Variants in PIGL observed in about 807,000 individuals in gnomAD.
PIGL encodes the protein phosphatidylinositol glycan anchor biosynthesis class L.
A neutral mutation model predicts 31.1 loss-of-function variants in PIGL; 22 were observed. The ratio of observed to expected loss-of-function variants is 0.71; its 90% confidence interval spans 0.51 to 1.01. The LOEUF (loss-of-function observed/expected upper bound fraction) is 1.01. Ranked by LOEUF, PIGL falls within the 50% of genes least tolerant of loss-of-function variation. PIGL has a pLI of 0.00. For missense variants in PIGL, 302 were observed against 315.9 expected, an observed-to-expected ratio of 0.96 and a Z score of 0.33; for synonymous variants, 131 against 117.4, an observed-to-expected ratio of 1.12 and a Z score of -0.75.
intron 2 of PIGL, among the ~76,000 whole-genome samples, chr17:16,239,421 T>G (rs1259358060): frequency 6.6e-6 from 1 of 151,476 alleles, no homozygotes; most frequent in Non-Finnish European, 1.5e-5. Flanking sequence ...AGGCGGAGGT[T>G]GCAGTGAGCT....
At chr17:16,222,197 T>C (rs949270087) in intron 1 of PIGL, among the ~76,000 whole-genome samples, 2 of 152,242 alleles carry the variant, frequency 1.3e-5, no homozygotes, top group African/African-American at 4.8e-5. Flanking sequence ...ATGGAGAAAG[T>C]ACTATGGACA....
At chr17:16,318,153 A>G (rs1365314916) in intron 6 of PIGL, among the ~76,000 whole-genome samples, 1 of 152,208 alleles carries the variant, frequency 6.6e-6, no homozygotes, top group African/African-American at 2.4e-5. Flanking sequence ...ACACATGCTC[A>G]TTGCAGAAAA....
rs1419460000 is a variant in PIGL at position 16,302,345 on chromosome 17, G to T, written c.426+2367G>T. On this transcript the variant is annotated intron_variant, in intron 3 of 6. Coordinates refer to ENST00000225609, the MANE Select transcript of PIGL (RefSeq NM_004278.4). ...GAATAATGCCTAGCTGTGCTGACTG[G>T]GGCTTGCCTTGGTTCTCTTACTCCT... Among the ~76,000 whole-genome samples, 2 of 152,054 alleles carry T rather than the reference G, an allele frequency of 1.3e-5. 1 individual carries two copies. Among genetic ancestry groups the T allele is most frequent in the South Asian group, 4.1e-4 (2 of 4,828 alleles).
rs35285920 is a variant in PIGL at position 16,235,752 on chromosome 17, C to CTT, written c.335+1700_335+1701dup. 4.9e-3 allele frequency among the ~76,000 whole-genome samples: 549 copies of CTT among 111,484 alleles called. 16 individuals are homozygous for CTT. The highest frequency in any genetic ancestry group is 7.5e-3 in the Non-Finnish European group (418 of 55,866). 73.1% of individuals were successfully genotyped at this position (111,484 alleles called of 152,430 possible). A position where few individuals can be genotyped will look rare whatever the true frequency, so the allele number is the denominator to read the frequency against. On this transcript the variant is annotated intron_variant, in intron 2 of 6. Coordinates refer to ENST00000225609, the MANE Select transcript of PIGL (RefSeq NM_004278.4). ...ATAGCCATGAACCACTGTGTCCGGT[C>CTT]TTTTTTTTTTTTTTTTTTTGCACAC... is the stretch of plus-strand genomic sequence containing the variant.
chr17:16,251,035 C>T (rs976279888), intron 2 of PIGL, among the ~76,000 whole-genome samples: 5 of 152,102 alleles, frequency 3.3e-5, no homozygotes, highest in East Asian at 3.9e-4. Context: ...TGTGGTCACA[C>T]GTTTAATAAA....
chr17:16,228,514 G>A (rs1021846296), intron 1 of PIGL, among the ~76,000 whole-genome samples: 3 of 151,602 alleles, frequency 2.0e-5, no homozygotes, highest in Admixed American at 1.3e-4. Context: ...TCAGCCTCCC[G>A]AGTAGCTGGG....
intron 2 of PIGL, among the ~76,000 whole-genome samples, chr17:16,243,896 C>T (rs185492973): frequency 4.6e-5 from 7 of 152,336 alleles, no homozygotes; most frequent in Non-Finnish European, 7.3e-5. Flanking sequence ...TTTACTGTTA[C>T]TCAAATCTGT....
In PIGL at chr17:16,277,402, T is replaced by A. The variant is rs562062146; in HGVS notation, c.336-22486T>A. 1.1e-4 allele frequency among the ~76,000 whole-genome samples: 16 copies of A among 152,364 alleles called. No homozygotes were observed. The South Asian group carries it at 2.7e-3, about 26-fold the overall frequency. On this transcript the variant is annotated intron_variant, in intron 2 of 6. Transcript: ENST00000225609. ...GAGAGAAACAAATATGCTTCAAATT[T>A]TGTTCACAGGAGTATACTTTACTCA...
intron 2 of PIGL, among the ~76,000 whole-genome samples, chr17:16,248,189 A>G (rs2092756877): frequency 6.6e-6 from 1 of 152,096 alleles, no homozygotes; most frequent in Admixed American, 6.6e-5. Context: ...CCCAGCCTCA[A>G]GCTTTCTCAT....
At chr17:16,275,301 C>CT (rs2142779645) in intron 2 of PIGL, among the ~76,000 whole-genome samples, 1 of 152,278 alleles carries the variant, frequency 6.6e-6, no homozygotes, top group East Asian at 1.9e-4. Context: ...TTTTAGCATG[C>CT]TGATGCATTA....
chr17:16,274,273 AT>A (rs1474023386), intron 2 of PIGL, among the ~76,000 whole-genome samples: 1 of 152,194 alleles, frequency 6.6e-6, no homozygotes, highest in African/African-American at 2.4e-5. Context: ...TGTAAAGGAA[AT>A]GGGTCACAGG....
intron 5 of PIGL, chr17:16,316,927 G>A: frequency 1.5e-6 from 2 of 1,343,874 alleles, no homozygotes; most frequent in Non-Finnish European, 1.9e-6. Context: ...GATGAGTGGG[G>A]AGGCCAGGTT....
intron 2 of PIGL, among the ~76,000 whole-genome samples, chr17:16,259,277 G>T (rs993504415): frequency 1.4e-5 from 2 of 144,626 alleles, no homozygotes; most frequent in Non-Finnish European, 3.0e-5. Flanking sequence ...CCTGGACTTT[G>T]CAGGAAAAAA....
chr17:16,221,432 G>A (rs1023558470), intron 1 of PIGL, among the ~76,000 whole-genome samples: 1 of 151,040 alleles, frequency 6.6e-6, no homozygotes, highest in Non-Finnish European at 1.5e-5. Context: ...GACTATAGGC[G>A]TGTGCCAGCA....
chr17:16,315,216 G>A (rs1166946572), intron 4 of PIGL, among the ~76,000 whole-genome samples: 1 of 152,198 alleles, frequency 6.6e-6, no homozygotes, highest in Admixed American at 6.5e-5. Context: ...CAGCACGAAG[G>A]AGGGCCACTG....
intron 2 of PIGL, among the ~76,000 whole-genome samples, chr17:16,245,959 A>G (rs2142714157): frequency 6.6e-6 from 1 of 150,424 alleles, no homozygotes; most frequent in East Asian, 2.0e-4. Context: ...AGCTGGGACT[A>G]CAGGCACCCG....
chr17:16,281,114 G>A (rs1401185230), intron 2 of PIGL, among the ~76,000 whole-genome samples: 1 of 152,154 alleles, frequency 6.6e-6, no homozygotes, highest in Non-Finnish European at 1.5e-5. Flanking sequence ...TTCATTTGAA[G>A]TTTTCAAGGA....
At chr17:16,323,742 A>T (rs2093115845) in intron 6 of PIGL, among the ~76,000 whole-genome samples, 2 of 147,860 alleles carry the variant, frequency 1.4e-5, no homozygotes, top group South Asian at 4.2e-4. Flanking sequence ...CCTCCTGCGT[A>T]GCTGGGATTA....
intron 1 of PIGL, among the ~76,000 whole-genome samples, chr17:16,220,474 ATTG>A (rs2092622111): frequency 1.6e-5 from 2 of 127,272 alleles, no homozygotes; most frequent in Non-Finnish European, 3.3e-5. Context: ...GTTTTTTTAA[ATTG>A]TTATTTTTTT....
Sources: gnomAD v4.1 joint callset for allele counts (sites outside exome capture counted in the v4.1 genomes callset) on GRCh38, gnomAD v4.1.1 for gene constraint, MANE v1.5 for transcripts, NCBI Gene and HGNC (gene_info 2026-07-23, HGNC 2026-07-21) for gene names.